Variants in SLC25A16 observed in about 807,000 individuals in gnomAD.
SLC25A16 encodes solute carrier family 25 member 16.
SLC25A16 carries 39 observed loss-of-function variants against 41.5 expected under a neutral mutation model. The observed-to-expected ratio is 0.94, with a 90% confidence interval of 0.73 to 1.23. The LOEUF (loss-of-function observed/expected upper bound fraction) is 1.23, where lower values mean the gene tolerates loss of function less well. SLC25A16 is among the 50% of genes most tolerant of loss of function. SLC25A16 has a pLI of 0.00. For synonymous variants in SLC25A16, 146 were observed against 147.8 expected (o/e 0.99, Z 0.09); for missense variants, 421 against 426.9 (o/e 0.99, Z 0.12).
chr10:68,496,992 A>G (rs2052759323), intron 4 of SLC25A16, among the ~76,000 whole-genome samples: 1 of 152,150 alleles, frequency 6.6e-6, no homozygotes, highest in African/African-American at 2.4e-5. Flanking sequence ...GATTTCTTAA[A>G]AAAGGAACTA....
rs747648797 is a variant in SLC25A16 at position 68,520,404 on chromosome 10, A to G, written c.131-3561T>C. On this transcript the variant is annotated intron_variant, in intron 1 of 8. Transcript: ENST00000609923. ...GTAAATAAACAATTGACCCGGGCAC[A>G]ATGGCTCATGCCTATAATCCCAGCA... is the stretch of plus-strand genomic sequence containing the variant. 6.7e-4 allele frequency among the ~76,000 whole-genome samples: 102 copies of G among 152,134 alleles called. 1 individual carries two copies. The highest frequency in any genetic ancestry group is 1.3e-3 in the Non-Finnish European group (89 of 68,030).
chr10:68,512,916 G>A (rs544504846), intron 2 of SLC25A16, among the ~76,000 whole-genome samples: 16 of 152,122 alleles, frequency 1.1e-4, no homozygotes, highest in African/African-American at 2.9e-4. Flanking sequence ...GCGGGTGCCC[G>A]TAATCCCAGC....
At chr10:68,490,956 C>T (rs2052647669) in intron 6 of SLC25A16, among the ~76,000 whole-genome samples, 1 of 151,820 alleles carries the variant, frequency 6.6e-6, no homozygotes, top group Admixed American at 6.6e-5. Context: ...GTGGCATGAT[C>T]ACAGCTCGCT....
In SLC25A16 at chr10:68,527,477, G is replaced by C; in HGVS notation, c.-102C>G. On this transcript the variant is annotated 5_prime_UTR_variant, in exon 1 of 9. Coordinates refer to ENST00000609923, the MANE Select transcript of SLC25A16 (RefSeq NM_152707.4). ...TGACAGGAGGCTGACCGCCCCGCCG[G>C]CGGGGCAAAGTAACACCCGGCGGCG... 1 of 1,202,708 alleles carries C rather than the reference G, an allele frequency of 8.3e-7. No individual in the cohort carries two copies. Among genetic ancestry groups the C allele is most frequent in the East Asian group, 3.0e-5 (1 of 32,956 alleles). 74.5% of individuals were successfully genotyped at this position (1,202,708 alleles called of 1,614,324 possible).
intron 2 of SLC25A16, among the ~76,000 whole-genome samples, chr10:68,510,657 G>A (rs963901618): frequency 6.6e-5 from 10 of 151,462 alleles, no homozygotes; most frequent in Admixed American, 2.6e-4. Context: ...TGGCTAACAC[G>A]GAAAAACTCC....
chr10:68,519,743 C>T (rs1432832662), intron 1 of SLC25A16, among the ~76,000 whole-genome samples: 2 of 150,554 alleles, frequency 1.3e-5, no homozygotes, highest in South Asian at 2.1e-4. Flanking sequence ...GGTGAAACCC[C>T]ATCTCTTCTA....
At chr10:68,498,075 C>G (rs763367387) in intron 4 of SLC25A16, among the ~76,000 whole-genome samples, 1 of 152,010 alleles carries the variant, frequency 6.6e-6, no homozygotes, top group Admixed American at 6.6e-5. Flanking sequence ...ATCTCTGATA[C>G]CTGTACAACG....
intron 8 of SLC25A16, among the ~76,000 whole-genome samples, chr10:68,486,240 A>C (rs867662311): frequency 6.8e-5 from 10 of 146,838 alleles, no homozygotes; most frequent in African/African-American, 2.4e-4. Context: ...ACAAAAAAAA[A>C]AAAAAAACAC....
Position 68,483,166 on chromosome 10 carries a change from A to G in SLC25A16, c.*266T>C. The G allele has an allele frequency of 3.9e-6, 1 of 259,208 alleles. No individual in the cohort carries two copies. The highest frequency in any genetic ancestry group is 7.3e-6 in the Non-Finnish European group (1 of 137,806). The allele number at this position is 259,208 out of a possible 1,614,324, so 16.1% of individuals were successfully genotyped here. A position where few individuals can be genotyped will look rare whatever the true frequency, so the allele number is the denominator to read the frequency against. The stretch of plus-strand genomic sequence containing the variant: ...TGAACCCCGTTTTAAAGCTAGTTCT[A>G]CTTCCAAATAAAACTTTAAAGCGGT... On this transcript the variant is annotated 3_prime_UTR_variant, in exon 9 of 9. Coordinates refer to ENST00000609923, the MANE Select transcript of SLC25A16 (RefSeq NM_152707.4).
intron 2 of SLC25A16, among the ~76,000 whole-genome samples, chr10:68,506,938 T>C (rs2052965441): frequency 6.6e-6 from 1 of 151,454 alleles, no homozygotes; most frequent in Non-Finnish European, 1.5e-5. Context: ...TAAAACCTAC[T>C]GTAGAAACAA....
chr10:68,488,210 T>C (rs574148236), intron 7 of SLC25A16, among the ~76,000 whole-genome samples: 2 of 152,212 alleles, frequency 1.3e-5, no homozygotes, highest in African/African-American at 4.8e-5. Flanking sequence ...CTCAAACTCC[T>C]GGGCTCAAGC....
intron 1 of SLC25A16, among the ~76,000 whole-genome samples, chr10:68,523,086 G>A (rs759814554): frequency 1.8e-4 from 27 of 152,282 alleles, no homozygotes; most frequent in Admixed American, 1.4e-3. Context: ...AGCCAACAAC[G>A]ATAGCTCTTT....
In SLC25A16 at chr10:68,519,577, A is replaced by G. The variant is rs547562377; in HGVS notation, c.131-2734T>C. 4.9e-4 allele frequency among the ~76,000 whole-genome samples: 75 copies of G among 152,126 alleles called. No homozygotes were observed. In the South Asian group the frequency reaches 0.014, roughly 28 times the overall value. ...GCATTTGGATACATTTGGTTTCAGAATATTTTATATTATCTTCTCAGTTGT... is the reference window on the plus strand; with the variant it reads ...GCATTTGGATACATTTGGTTTCAGAGTATTTTATATTATCTTCTCAGTTGT... On this transcript the variant is annotated intron_variant, in intron 1 of 8. Coordinates refer to ENST00000609923, the MANE Select transcript of SLC25A16 (RefSeq NM_152707.4).
At chr10:68,484,083 G>A (rs1290051375) in intron 8 of SLC25A16, among the ~76,000 whole-genome samples, 2 of 152,116 alleles carry the variant, frequency 1.3e-5, no homozygotes, top group Admixed American at 6.6e-5. Context: ...ACAAGTACAA[G>A]CATTATGCAT....
intron 2 of SLC25A16, 145 bp downstream of exon 2, chr10:68,516,606 C>G (rs2795891): frequency 0.047 from 24,621 of 528,326 alleles, 688 homozygotes; most frequent in South Asian, 0.091. Flanking sequence ...AGAGAAGTTA[C>G]TATTTATTCC....
In SLC25A16 at chr10:68,494,957, A is replaced by G. The variant is rs531940282; in HGVS notation, c.422-1387T>C. Among the ~76,000 whole-genome samples the G allele has an allele frequency of 7.9e-5, 12 of 151,924 alleles. No individual in the cohort carries two copies. The South Asian group carries it at 2.1e-3, about 26-fold the overall frequency. Reference sequence around the variant, plus strand: ...TGTAGTGGTTAAATAATGAATTGGTAGGAAACAAGAGTACCCAGAAATTTG... The same window carrying G: ...TGTAGTGGTTAAATAATGAATTGGTGGGAAACAAGAGTACCCAGAAATTTG... On this transcript the variant is annotated intron_variant, in intron 4 of 8. Coordinates refer to ENST00000609923, the MANE Select transcript of SLC25A16 (RefSeq NM_152707.4).
At chr10:68,485,309 C>T (rs1394175763) in intron 8 of SLC25A16, among the ~76,000 whole-genome samples, 1 of 152,198 alleles carries the variant, frequency 6.6e-6, no homozygotes, top group African/African-American at 2.4e-5. Flanking sequence ...CCAGGATGGT[C>T]TTGATCTCCT....
intron 1 of SLC25A16, among the ~76,000 whole-genome samples, chr10:68,521,391 C>A (rs2053247039): frequency 6.6e-6 from 1 of 151,920 alleles, no homozygotes; most frequent in African/African-American, 2.4e-5. Flanking sequence ...CAAAAACTAG[C>A]CAAGCAACAC....
intron 1 of SLC25A16, among the ~76,000 whole-genome samples, chr10:68,525,911 T>A (rs958398469): frequency 6.6e-6 from 1 of 151,974 alleles, no homozygotes; most frequent in African/African-American, 2.4e-5. Flanking sequence ...GCATGCTCCT[T>A]AAGAGTCATC....
Sources: allele counts gnomAD v4.1 joint callset (sites outside exome capture counted in the v4.1 genomes callset), GRCh38; gene constraint gnomAD v4.1.1; transcripts MANE v1.5; gene names NCBI Gene and HGNC (gene_info 2026-07-23, HGNC 2026-07-21).